Variants in CLCNKB observed in about 807,000 individuals in gnomAD.
CLCNKB encodes the protein chloride voltage-gated channel Kb.
Under a neutral mutation model 83.8 loss-of-function variants are expected in CLCNKB, and 74 were observed. The observed-to-expected ratio is 0.88, with a 90% CI of 0.73 to 1.07. CLCNKB has a LOEUF of 1.07. Ranked by LOEUF, CLCNKB falls within the 50% of genes least tolerant of loss-of-function variation. CLCNKB has a pLI of 0.00. For missense variants in CLCNKB, 798 were observed against 893.6 expected (o/e 0.89, Z 1.36); for synonymous variants, 358 against 356.6 (o/e 1.00, Z -0.04).
Position 16,051,770 on chromosome 1 carries a change from T to C in CLCNKB, c.1358T>C (p.Val453Ala). Residue 453 changes from valine (V) to alanine (A), a missense_variant, in exon 14 of 20, where the codon GTG (valine) becomes GCG (alanine). Physicochemically the swap from Val to Ala is moderately conservative, Grantham distance 64 (BLOSUM62 0). Transcript: ENST00000375679. ...TLSFIFPEGIVAGGITNPIMP... is the reference protein window; with the variant it reads ...TLSFIFPEGIAAGGITNPIMP... The stretch of plus-strand genomic sequence containing the variant: ...TCTTTTATCTTCCCTGAGGGCATCG[T>C]GGCTGGAGGGATCACCAATCCCATC... 1 of 1,613,886 alleles carries C rather than the reference T, an allele frequency of 6.2e-7. No homozygotes were observed.
At chr1:16,050,132 C>T (rs540929602) in intron 10 of CLCNKB, among the ~76,000 whole-genome samples, 1 of 126,826 alleles carries the variant, frequency 7.9e-6, no homozygotes, top group East Asian at 2.4e-4. Flanking sequence ...CCCCATATCT[C>T]CTGGAGTCTA....
Position 16,048,989 on chromosome 1 carries a change from C to T in CLCNKB, c.656-131C>T, listed in dbSNP as rs752155216. 7.6e-6 allele frequency: 12 copies of T among 1,585,842 alleles called. No individual in the cohort carries two copies. Among genetic ancestry groups the T allele is most frequent in the Admixed American group, 3.5e-5 (2 of 57,876 alleles). ...CAGGGCGCATGCCCTGCCCTCCCCT[C>T]CTGTCTGTCCCTGTCCGGGCTGCAG... On this transcript the variant is annotated intron_variant, in intron 7 of 19. Coordinates refer to ENST00000375679, the MANE Select transcript of CLCNKB (RefSeq NM_000085.5).
At chr1:16,044,369 A>ACACACACACACACACG in intron 1 of CLCNKB, 117 bp from the exon 2 acceptor site, 1 of 778,214 alleles carries the variant, frequency 1.3e-6, no homozygotes, top group Non-Finnish European at 2.2e-6. Context: ...ACACACACAC[A>ACACACACACACACACG]CACACACACG....
rs1239122402 is a variant in CLCNKB at position 16,050,570 on chromosome 1, A to C, written c.1023A>C (p.Pro341=). 1 of 1,613,056 alleles carries C rather than the reference A, an allele frequency of 6.2e-7. No individual in the cohort carries two copies. The highest frequency in any genetic ancestry group is 1.1e-5 in the South Asian group (1 of 91,008). ...ATLVLASITY[P]PSAGRFLASR... is the part of the protein sequence containing the mutation. Reference sequence around the variant, plus strand: ...TGGTTCTCGCCTCCATCACCTACCCACCCAGCGCCGGCCGCTTCCTAGCTT... The same window carrying C: ...TGGTTCTCGCCTCCATCACCTACCCCCCCAGCGCCGGCCGCTTCCTAGCTT... The change falls in exon 11 of 20, where the codon CCA becomes CCC. Residue 341 remains proline (P), a synonymous_variant. Transcript: ENST00000375679.
At chr1:16,045,786 GGTGCTCTGGGT>G in intron 3 of CLCNKB, 100 bp downstream of exon 3, 5 of 1,160,570 alleles carry the variant, frequency 4.3e-6, no homozygotes, top group Non-Finnish European at 6.1e-6. Context: ...GGTTGGGGGG[GGTGCTCTGGGT>G]GGGGATCTGG....
chr1:16,055,626 G>A (rs1315317477), intron 17 of CLCNKB, 49 bp from the exon 18 acceptor site: 1 of 1,603,464 alleles, frequency 6.2e-7, no homozygotes, highest in Admixed American at 1.7e-5. Flanking sequence ...TCAGAGAGAG[G>A]CATCCTGGGG....
intron 15 of CLCNKB, 60 bp downstream of exon 15, chr1:16,052,471 G>A: frequency 2.5e-6 from 4 of 1,608,768 alleles, no homozygotes; most frequent in Non-Finnish European, 3.4e-6. Flanking sequence ...AAGGGCTGGG[G>A]TGAAGGGCAC....
rs1395253823 is a variant in CLCNKB, at chr1:16,057,212, T to C, written c.*296T>C. ...GCCATCACATTAATGAATGATGAGA[T>C]TGGAGTACACTGTCACCAAGGGCAG... On this transcript the variant is annotated 3_prime_UTR_variant, in exon 20 of 20. Coordinates refer to ENST00000375679, the MANE Select transcript of CLCNKB (RefSeq NM_000085.5). 2.9e-6 allele frequency: 2 copies of C among 684,052 alleles called. No individual in the cohort carries two copies. The highest frequency in any genetic ancestry group is 2.1e-5 in the Admixed American group (1 of 48,732). The allele number at this position is 684,052 out of a possible 1,614,324, so 42.4% of individuals were successfully genotyped here. A position where few individuals can be genotyped will look rare whatever the true frequency, so the allele number is the denominator to read the frequency against.
intron 3 of CLCNKB, among the ~76,000 whole-genome samples, chr1:16,046,273 C>T (rs545117796): frequency 9.8e-5 from 15 of 152,342 alleles, no homozygotes; most frequent in African/African-American, 2.2e-4. Flanking sequence ...GAGCCCATCA[C>T]GAGCCCACTT....
intron 3 of CLCNKB, among the ~76,000 whole-genome samples, chr1:16,046,330 A>G (rs2124085539): frequency 6.6e-6 from 1 of 152,228 alleles, no homozygotes; most frequent in Non-Finnish European, 1.5e-5. Flanking sequence ...GGCTTGCCCA[A>G]GGTCACTCAG....
chr1:16,045,984 T>C (rs1463097718), intron 3 of CLCNKB, among the ~76,000 whole-genome samples: 1 of 152,206 alleles, frequency 6.6e-6, no homozygotes, highest in East Asian at 1.9e-4. Context: ...CCCTCCTCCA[T>C]GCCCTGGGGC....
rs370023856 is a variant in CLCNKB, at chr1:16,049,890, G to A, written c.942G>A (p.Arg314=). 1.7e-5 allele frequency: 27 copies of A among 1,613,882 alleles called. No individual in the cohort carries two copies. Among genetic ancestry groups the A allele is most frequent in the Non-Finnish European group, 2.2e-5 (26 of 1,179,902 alleles). The change falls in exon 10 of 20, where the codon AGG becomes AGA. Residue 314 remains arginine, a synonymous_variant. Transcript: ENST00000375679. ...RIFFGFIRNN[R]FSSKLLATSK... is the part of the protein sequence containing the mutation. ...TCTTTGGCTTCATCAGGAACAATAG[G>A]TTCAGCTCCAAACTGCTGGCCACCA... is the stretch of plus-strand genomic sequence containing the variant.
In CLCNKB at chr1:16,045,663, T is replaced by A; in HGVS notation, c.206T>A (p.Leu69Ter). ...LMALVSCAMD[L>*]AVESVVRAHQ... ...GCCCTGGTCAGCTGTGCCATGGACT[T>A]GGCTGTTGAGAGTGTGGTCCGAGGT... is the stretch of plus-strand genomic sequence containing the variant. Residue 69 changes from leucine to a stop codon, truncating the protein, a stop_gained, in exon 3 of 20, where the codon TTG becomes TAG. Coordinates refer to ENST00000375679, the MANE Select transcript of CLCNKB (RefSeq NM_000085.5). LOFTEE classifies it high-confidence loss of function. 1.9e-6 allele frequency: 3 copies of A among 1,613,614 alleles called. No homozygotes were observed. The highest frequency in any genetic ancestry group is 2.5e-6 in the Non-Finnish European group (3 of 1,179,634).
chr1:16,044,842 C>T (rs2023050576), intron 2 of CLCNKB, among the ~76,000 whole-genome samples: 1 of 152,346 alleles, frequency 6.6e-6, no homozygotes, highest in South Asian at 2.1e-4. Flanking sequence ...TCACTGTGCC[C>T]ATCTTCCACC....
chr1:16,045,958 C>T (rs2023088059), intron 3 of CLCNKB, among the ~76,000 whole-genome samples: 1 of 152,216 alleles, frequency 6.6e-6, no homozygotes, highest in Non-Finnish European at 1.5e-5. Flanking sequence ...TTCCAGCCAC[C>T]CTGTTTCTTC....
In CLCNKB at chr1:16,055,675, C is replaced by A. The variant is rs769313182; in HGVS notation, c.1846C>A (p.Gln616Lys). The change falls in exon 18 of 20, where the codon CAG (glutamine) becomes AAG (lysine). Residue 616 changes from glutamine (Q) to lysine (K), a missense_variant and splice_region_variant. By Grantham distance (53) the Gln-to-Lys change is moderately conservative. Coordinates refer to ENST00000375679, the MANE Select transcript of CLCNKB (RefSeq NM_000085.5). ...ACCTGTAACCCTTCCCCACCCCCAG[C>A]AGTGTCTCCAGGACATCTTGGCTGC... ...EPPSWAPGHQQCLQDILAAGC... is the reference protein window; with the variant it reads ...EPPSWAPGHQKCLQDILAAGC... The A allele has an allele frequency of 1.9e-6, 3 of 1,613,794 alleles. No homozygotes were observed. Among genetic ancestry groups the A allele is most frequent in the Non-Finnish European group, 2.5e-6 (3 of 1,179,974 alleles).
rs553995820 is a variant in CLCNKB, at chr1:16,045,653, G to A, written c.196G>A (p.Ala66Thr). 2.5e-6 allele frequency: 4 copies of A among 1,614,028 alleles called. No individual in the cohort carries two copies. In the South Asian group the frequency reaches 4.4e-5, roughly 18 times the overall value. The change falls in exon 3 of 20, where the codon GCC (alanine) becomes ACC (threonine). Residue 66 changes from alanine (A) to threonine (T), a missense_variant. Physicochemically the swap from Ala to Thr is moderately conservative, Grantham distance 58. Coordinates refer to ENST00000375679, the MANE Select transcript of CLCNKB (RefSeq NM_000085.5). Reference protein sequence around the residue: ...LGVLMALVSCAMDLAVESVVR... With the variant: ...LGVLMALVSCTMDLAVESVVR... The stretch of plus-strand genomic sequence containing the variant: ...GGTGCTCATGGCCCTGGTCAGCTGT[G>A]CCATGGACTTGGCTGTTGAGAGTGT...
At chr1:16,047,657 T>A (rs1351079614) in intron 4 of CLCNKB, among the ~76,000 whole-genome samples, 2 of 152,026 alleles carry the variant, frequency 1.3e-5, no homozygotes, top group East Asian at 3.9e-4. Context: ...TAGTCCCAGC[T>A]ATTCAGGAGG....
Position 16,057,281 on chromosome 1 carries a change from C to T in CLCNKB, c.*365C>T. ...GTTGTCTGGTTCCCAGTGAGAGGCT[C>T]CTGAGAAAAATAAAGCTGGTTCCCA... On this transcript the variant is annotated 3_prime_UTR_variant, in exon 20 of 20. Transcript: ENST00000375679. 1.6e-6 allele frequency: 1 copy of T among 611,600 alleles called. No homozygotes were observed. Among genetic ancestry groups the T allele is most frequent in the Non-Finnish European group, 3.2e-6 (1 of 316,572 alleles). 37.9% of individuals were successfully genotyped at this position (611,600 alleles called of 1,614,324 possible).
Sources: gnomAD v4.1 joint callset for allele counts (sites outside exome capture counted in the v4.1 genomes callset) on GRCh38, gnomAD v4.1.1 for gene constraint, MANE v1.5 for transcripts, NCBI Gene and HGNC (gene_info 2026-07-23, HGNC 2026-07-21) for gene names.